Variants in TMEM243 observed in about 807,000 individuals in gnomAD.
TMEM243 encodes the protein MDR1 and mitochondrial taxol resistance associated.
Under a neutral mutation model 15.0 loss-of-function variants are expected in TMEM243, and 20 were observed. The observed-to-expected ratio is 1.33, with a 90% CI of 0.94 to 1.93. TMEM243 has a LOEUF of 1.93. TMEM243 is among the 30% of genes most tolerant of loss of function. The pLI, the probability that TMEM243 is intolerant of heterozygous loss-of-function variation, is 0.00. For synonymous variants in TMEM243, 72 were observed against 52.7 expected (o/e 1.37, Z -1.59); for missense variants, 156 against 142.1 (o/e 1.10, Z -0.50).
intron 1 of TMEM243, among the ~76,000 whole-genome samples, chr7:87,209,583 AGACAGT>A (rs1309580030): frequency 6.7e-6 from 1 of 148,980 alleles, no homozygotes; most frequent in Non-Finnish European, 1.5e-5. Flanking sequence ...ACAGTGAGAG[AGACAGT>A]GAGACAGTGA....
chr7:87,211,745 T>C (rs894092397), intron 1 of TMEM243, among the ~76,000 whole-genome samples: 8 of 152,208 alleles, frequency 5.3e-5, no homozygotes, highest in African/African-American at 1.9e-4. Flanking sequence ...TGGCTCTGAC[T>C]GTACAGGAGC....
intron 1 of TMEM243, chr7:87,202,924 A>T (rs911030405): frequency 5.9e-5 from 9 of 152,282 alleles, no homozygotes; most frequent in Non-Finnish European, 1.0e-4. Flanking sequence ...AGAAGGACTA[A>T]TCCCCTAGTG....
At chr7:87,209,689 A>AGACAGT (rs1237661489) in intron 1 of TMEM243, among the ~76,000 whole-genome samples, 2 of 61,392 alleles carry the variant, frequency 3.3e-5, no homozygotes, top group Non-Finnish European at 7.0e-5. Context: ...AGACACAGCG[A>AGACAGT]GAGAGCGAGA....
intron 1 of TMEM243, among the ~76,000 whole-genome samples, chr7:87,215,114 A>C (rs1188089608): frequency 1.3e-5 from 2 of 152,184 alleles, no homozygotes. Context: ...TGTTAATGTA[A>C]AATACATACT....
chr7:87,213,930 C>G (rs879713167), intron 1 of TMEM243, among the ~76,000 whole-genome samples: 6 of 152,096 alleles, frequency 3.9e-5, no homozygotes, highest in Admixed American at 3.9e-4. Flanking sequence ...AGTGTATGTA[C>G]CTTCTCCCCA....
intron 2 of TMEM243, 31 bp downstream of exon 2, chr7:87,198,976 C>T: frequency 5.1e-6 from 8 of 1,567,364 alleles, no homozygotes; most frequent in Non-Finnish European, 6.9e-6. Context: ...TGGCTAAGAG[C>T]CTGGGTGAGG....
At position 87,219,421 on chromosome 7, in the gene TMEM243, C is replaced by G; in HGVS notation, c.78+5G>C. Reference sequence around the variant, plus strand: ...TCCCAGTCTGGAGTCACAATCCGCACTCACCTTGGCGGACGTCTCCCCAAA... The same window carrying G: ...TCCCAGTCTGGAGTCACAATCCGCAGTCACCTTGGCGGACGTCTCCCCAAA... On this transcript the variant is annotated splice_donor_5th_base_variant and intron_variant, in intron 1 of 3. Coordinates refer to ENST00000257637, the MANE Select transcript of TMEM243 (RefSeq NM_024315.4). 6.2e-7 allele frequency: 1 copy of G among 1,614,152 alleles called. No homozygotes were observed. Among genetic ancestry groups the G allele is most frequent in the Non-Finnish European group, 8.5e-7 (1 of 1,179,960 alleles).
intron 3 of TMEM243, among the ~76,000 whole-genome samples, chr7:87,197,416 C>T (rs1801386111): frequency 1.3e-5 from 2 of 152,078 alleles, no homozygotes; most frequent in Non-Finnish European, 2.9e-5. Flanking sequence ...TTTGTTTCTT[C>T]ACCATAAAAG....
At chr7:87,211,427 G>A (rs1000188015) in intron 1 of TMEM243, among the ~76,000 whole-genome samples, 6 of 152,202 alleles carry the variant, frequency 3.9e-5, no homozygotes, top group African/African-American at 1.4e-4. Context: ...CCTGGACTGA[G>A]TGATTCAGAC....
At chr7:87,212,758 A>G (rs887253050) in intron 1 of TMEM243, among the ~76,000 whole-genome samples, 2 of 152,220 alleles carry the variant, frequency 1.3e-5, no homozygotes, top group African/African-American at 2.4e-5. Context: ...TGATAACGCT[A>G]AATTCTCACT....
upstream of TMEM243, chr7:87,220,506 C>G (rs953903301): frequency 2.6e-5 from 4 of 152,418 alleles, no homozygotes; most frequent in African/African-American, 9.6e-5. Context: ...GCGGTCCCGT[C>G]GCAGCGCTGC....
At chr7:87,198,849 G>A in intron 2 of TMEM243, 158 bp downstream of exon 2, 1 of 588,138 alleles carries the variant, frequency 1.7e-6, no homozygotes, top group Admixed American at 3.5e-5. Flanking sequence ...ACCTGGGGGT[G>A]GGGCAGAATT....
intron 2 of TMEM243, chr7:87,198,281 C>G (rs954199933): frequency 2.5e-6 from 1 of 398,322 alleles, no homozygotes; most frequent in African/African-American, 2.1e-5. Flanking sequence ...GTAATACTAG[C>G]TGATGCCAAA....
intron 3 of TMEM243, chr7:87,197,716 TA>T (rs34026359): frequency 0.2 from 22,838 of 116,504 alleles, 4,887 homozygotes; most frequent in Middle Eastern, 0.31. Context: ...TTTTTTTTTT[TA>T]AGCTATCAAG....
intron 1 of TMEM243, among the ~76,000 whole-genome samples, chr7:87,215,411 T>G (rs1336552486): frequency 6.6e-6 from 1 of 152,206 alleles, no homozygotes; most frequent in African/African-American, 2.4e-5. Flanking sequence ...GTTTAAAATT[T>G]TTTTTTAAAT....
At chr7:87,211,413 T>C (rs1239424558) in intron 1 of TMEM243, among the ~76,000 whole-genome samples, 1 of 152,186 alleles carries the variant, frequency 6.6e-6, no homozygotes, top group Non-Finnish European at 1.5e-5. Context: ...CCTACCATTG[T>C]TTACCTGGAC....
At chr7:87,201,718 C>T (rs201141936) in intron 1 of TMEM243, among the ~76,000 whole-genome samples, 1 of 152,170 alleles carries the variant, frequency 6.6e-6, no homozygotes, top group South Asian at 2.1e-4. Flanking sequence ...AATTGAAACT[C>T]ATTATTTCTA....
chr7:87,205,370 G>C (rs1290331279), intron 1 of TMEM243, among the ~76,000 whole-genome samples: 1 of 151,412 alleles, frequency 6.6e-6, no homozygotes, highest in Non-Finnish European at 1.5e-5. Context: ...TGCATTGTCA[G>C]GCTGCAAGTT....
At chr7:87,216,875 G>C (rs529344482) in intron 1 of TMEM243, 1 of 152,348 alleles carries the variant, frequency 6.6e-6, no homozygotes, top group East Asian at 1.9e-4. Flanking sequence ...AAGGGAGTTA[G>C]TGAAGCATTA....
Sources: gnomAD v4.1 joint callset for allele counts (sites outside exome capture counted in the v4.1 genomes callset) on GRCh38, gnomAD v4.1.1 for gene constraint, MANE v1.5 for transcripts, NCBI Gene and HGNC (gene_info 2026-07-23, HGNC 2026-07-21) for gene names.